Variants in PRKG1 observed in about 807,000 individuals in gnomAD.
The protein encoded by PRKG1 is protein kinase cGMP-dependent 1.
Under a neutral mutation model 88.1 loss-of-function variants are expected in PRKG1, and 35 were observed. The observed-to-expected ratio is 0.40, with a 90% CI of 0.30 to 0.53. The LOEUF (loss-of-function observed/expected upper bound fraction) is 0.53, where lower values mean the gene tolerates loss of function less well. Ranked by LOEUF, PRKG1 falls within the 20% of genes least tolerant of loss-of-function variation. The pLI, the probability that PRKG1 is intolerant of heterozygous loss-of-function variation, is 0.59. For synonymous variants in PRKG1, 303 were observed against 292.5 expected, an observed-to-expected ratio of 1.04 and a Z score of -0.37; for missense variants, 540 against 839.8, an observed-to-expected ratio of 0.64 and a Z score of 4.41.
At chr10:51,893,373 C>A (rs770245794) in intron 4 of PRKG1, among the ~76,000 whole-genome samples, 53 of 152,106 alleles carry the variant, frequency 3.5e-4, no homozygotes, top group African/African-American at 1.2e-3. Flanking sequence ...AAATTTGGCA[C>A]CTTTTTTGAA....
intron 2 of PRKG1, among the ~76,000 whole-genome samples, chr10:51,273,514 A>T (rs1385390043): frequency 6.6e-6 from 1 of 152,112 alleles, no homozygotes; most frequent in Non-Finnish European, 1.5e-5. Context: ...ACAGAGAGAG[A>T]CCCTGTCTCT....
chr10:51,469,960 A>G (rs1840004865), intron 3 of PRKG1, among the ~76,000 whole-genome samples: 1 of 151,866 alleles, frequency 6.6e-6, no homozygotes, highest in Non-Finnish European at 1.5e-5. Context: ...AGCATGAATA[A>G]TGTTTGTTTA....
At chr10:51,525,472 G>A (rs773236090) in intron 3 of PRKG1, among the ~76,000 whole-genome samples, 32 of 152,164 alleles carry the variant, frequency 2.1e-4, no homozygotes, top group Non-Finnish European at 4.0e-4. Context: ...GTCGAGGCAG[G>A]CAGATCACGA....
At chr10:51,337,433 C>T (rs368890368) in intron 2 of PRKG1, among the ~76,000 whole-genome samples, 1 of 152,016 alleles carries the variant, frequency 6.6e-6, no homozygotes, top group African/African-American at 2.4e-5. Flanking sequence ...AACTAAAAAG[C>T]TTCTGCACAG....
chr10:51,868,495 A>G (rs748227099), intron 4 of PRKG1, among the ~76,000 whole-genome samples: 1 of 152,122 alleles, frequency 6.6e-6, no homozygotes, highest in Non-Finnish European at 1.5e-5. Context: ...TCTTAAATTT[A>G]TCCAATTTTT....
At chr10:51,983,120 G>A (rs1383481746) in intron 5 of PRKG1, among the ~76,000 whole-genome samples, 1 of 152,126 alleles carries the variant, frequency 6.6e-6, no homozygotes, top group African/African-American at 2.4e-5. Flanking sequence ...TCTGTGCCTA[G>A]TGTAACTCCC....
chr10:51,455,907 A>G (rs1226570067), intron 2 of PRKG1, among the ~76,000 whole-genome samples: 1 of 152,122 alleles, frequency 6.6e-6, no homozygotes, highest in Non-Finnish European at 1.5e-5. Context: ...CTGTTACCCA[A>G]TTTGAAAGTC....
chr10:52,098,736 A>G (rs987452480), intron 7 of PRKG1, among the ~76,000 whole-genome samples: 1 of 152,218 alleles, frequency 6.6e-6, no homozygotes, highest in African/African-American at 2.4e-5. Context: ...AGAAAATGGG[A>G]ATTTGGGAAG....
Position 51,536,290 on chromosome 10 carries a change from G to A in PRKG1, c.592+68454G>A, listed in dbSNP as rs146441671. On this transcript the variant is annotated intron_variant, in intron 3 of 17. Transcript: ENST00000373980. ...AATTTTTGACTTACATTTCCATGAT[G>A]ATTATTGATACTGAATGTTTTTTTA... Among the ~76,000 whole-genome samples, 37 of 152,244 alleles carry A rather than the reference G, an allele frequency of 2.4e-4. No individual in the cohort carries two copies. In the East Asian group the frequency reaches 7.0e-3, roughly 29 times the overall value.
At chr10:51,231,862 G>T (rs756821130) in intron 2 of PRKG1, among the ~76,000 whole-genome samples, 1 of 152,136 alleles carries the variant, frequency 6.6e-6, no homozygotes, top group African/African-American at 2.4e-5. Context: ...ATTTATTAGA[G>T]AATCTGGCAA....
At chr10:51,399,511 C>T (rs192044464) in intron 2 of PRKG1, among the ~76,000 whole-genome samples, 8 of 152,258 alleles carry the variant, frequency 5.3e-5, no homozygotes, top group Admixed American at 2.0e-4. Context: ...AGAATCTTTC[C>T]GGTATCTGAA....
chr10:51,423,099 C>A (rs1027864879), intron 2 of PRKG1, among the ~76,000 whole-genome samples: 3 of 151,798 alleles, frequency 2.0e-5, no homozygotes, highest in Non-Finnish European at 4.4e-5. Context: ...AAAGAATAAC[C>A]ATTCACACCC....
intron 2 of PRKG1, among the ~76,000 whole-genome samples, chr10:51,330,061 T>G (rs1381730313): frequency 6.6e-6 from 1 of 150,528 alleles, no homozygotes; most frequent in Non-Finnish European, 1.5e-5. Flanking sequence ...CCCCTTTATC[T>G]TTCTCTTTTC....
At chr10:51,869,592 C>T (rs898636261) in intron 4 of PRKG1, among the ~76,000 whole-genome samples, 1 of 152,074 alleles carries the variant, frequency 6.6e-6, no homozygotes, top group South Asian at 2.1e-4. Context: ...ATCATTTTTT[C>T]ACCCTGAACT....
chr10:52,243,965 G>C (rs1473853420), intron 9 of PRKG1, among the ~76,000 whole-genome samples: 6 of 152,014 alleles, frequency 3.9e-5, no homozygotes, highest in Non-Finnish European at 8.8e-5. Context: ...CCACAATTTT[G>C]GAAATAGCAG....
chr10:51,979,410 G>GTTT (rs61150252), intron 5 of PRKG1, among the ~76,000 whole-genome samples: 18,817 of 46,638 alleles, frequency 0.4, 7,361 homozygotes, highest in East Asian at 0.69. Flanking sequence ...ATATTGGTCT[G>GTTT]TTTTTTTTTT....
intron 9 of PRKG1, among the ~76,000 whole-genome samples, chr10:52,170,526 T>C (rs1838638048): frequency 6.6e-6 from 1 of 152,016 alleles, no homozygotes; most frequent in Admixed American, 6.5e-5. Context: ...TTATTGCCAC[T>C]AAAAAAAGAA....
chr10:51,087,619 T>C (rs1844285545), intron 1 of PRKG1, among the ~76,000 whole-genome samples: 1 of 152,238 alleles, frequency 6.6e-6, no homozygotes, highest in Admixed American at 6.5e-5. Context: ...TTCTTTTATA[T>C]AGAGAGCTCT....
intron 4 of PRKG1, among the ~76,000 whole-genome samples, chr10:51,815,331 G>T (rs1410408559): frequency 1.3e-5 from 2 of 152,164 alleles, no homozygotes; most frequent in African/African-American, 4.8e-5. Flanking sequence ...GTGCATCTGG[G>T]AGTGAGTTCT....
Sources: allele counts gnomAD v4.1 joint callset (sites outside exome capture counted in the v4.1 genomes callset), GRCh38; gene constraint gnomAD v4.1.1; transcripts MANE v1.5; gene names NCBI Gene and HGNC (gene_info 2026-07-23, HGNC 2026-07-21).